Variants in CLK3 observed in about 807,000 individuals in gnomAD.
CLK3 encodes the protein dual specificity protein kinase CLK3.
A neutral mutation model predicts 65.2 loss-of-function variants in CLK3; 24 were observed. That is an observed-to-expected ratio of 0.37 (90% CI 0.27 to 0.52). The LOEUF (loss-of-function observed/expected upper bound fraction) is 0.52. Among genes scored for constraint, CLK3 ranks in the 20% least tolerant of loss-of-function variants. The pLI, the probability that CLK3 is intolerant of heterozygous loss-of-function variation, is 0.92. For missense variants in CLK3, 506 were observed against 660.0 expected, an observed-to-expected ratio of 0.77 and a Z score of 2.56; for synonymous variants, 252 against 240.8, an observed-to-expected ratio of 1.05 and a Z score of -0.43.
In CLK3 at chr15:74,625,784, C is replaced by T. The variant is rs770565548; in HGVS notation, c.651-18C>T. 6.2e-7 allele frequency: 1 copy of T among 1,613,210 alleles called. No homozygotes were observed. Among genetic ancestry groups the T allele is most frequent in the South Asian group, 1.1e-5 (1 of 91,058 alleles). The stretch of plus-strand genomic sequence containing the variant: ...CCCCCAGCACACAGCCTGAGCCCTG[C>T]CCATCCTCCTCCTCCAGCCTGTGTG... On this transcript the variant is annotated intron_variant, in intron 6 of 12. Transcript: ENST00000395066.
Position 74,628,899 on chromosome 15 carries a change from C to T in CLK3, c.1206-43C>T, listed in dbSNP as rs759430378. On this transcript the variant is annotated intron_variant, in intron 11 of 12. Transcript: ENST00000395066. ...CCCCACCTCCCACCAGAGGCTTGTC[C>T]CCTTACTACTCCCACACTTGACTCC... 5.0e-6 allele frequency: 7 copies of T among 1,410,216 alleles called. 1 individual carries two copies. Among genetic ancestry groups the T allele is most frequent in the Middle Eastern group, 3.5e-4 (2 of 5,676 alleles). 87.4% of individuals were successfully genotyped at this position (1,410,216 alleles called of 1,614,324 possible).
chr15:74,614,820 G>A (rs1238133086), upstream of CLK3: 1 of 152,142 alleles, frequency 6.6e-6, no homozygotes, highest in East Asian at 1.9e-4. Context: ...AGGGGGCGGT[G>A]CCTGGAGGGA....
chr15:74,615,640 G>GGGCCA, upstream of CLK3: 5 of 1,249,950 alleles, frequency 4.0e-6, no homozygotes, highest in Non-Finnish European at 5.0e-6. Flanking sequence ...GAGGCGGGCC[G>GGGCCA]GGCCAGGCTC....
upstream of CLK3, among the ~76,000 whole-genome samples, chr15:74,611,889 C>A (rs756808503): frequency 6.6e-6 from 1 of 152,230 alleles, no homozygotes; most frequent in Non-Finnish European, 1.5e-5. Context: ...AATTGAGGCC[C>A]TTTGGCTGAG....
rs777780033 is a variant in CLK3 at position 74,630,172 on chromosome 15, C to T, written c.*289C>T. 6 of 358,670 alleles carry T rather than the reference C, an allele frequency of 1.7e-5. No homozygotes were observed. The highest frequency in any genetic ancestry group is 4.1e-5 in the African/African-American group (2 of 49,104). 22.2% of individuals were successfully genotyped at this position (358,670 alleles called of 1,614,324 possible). The stretch of plus-strand genomic sequence containing the variant: ...GCTCCTTGCCTTCCCCTTACCTGAC[C>T]TTATTAATAAAGTCTTTCTTAGCAG... On this transcript the variant is annotated 3_prime_UTR_variant, in exon 13 of 13. Coordinates refer to ENST00000395066, the MANE Select transcript of CLK3 (RefSeq NM_001130028.2).
intron 6 of CLK3, 83 bp downstream of exon 6, chr15:74,625,101 C>T: frequency 4.2e-6 from 4 of 948,946 alleles, no homozygotes; most frequent in Non-Finnish European, 6.8e-6. Context: ...CTTCACCCAT[C>T]CGCACTGTGC....
intron 10 of CLK3, 30 bp downstream of exon 10, chr15:74,628,082 C>G (rs1375531472): frequency 2.1e-6 from 3 of 1,445,984 alleles, no homozygotes; most frequent in Non-Finnish European, 1.9e-6. Context: ...GTCCCCTACC[C>G]TGAGTACTGC....
Position 74,629,830 on chromosome 15 carries a change from G to A in CLK3, c.1420G>A (p.Gly474Ser). 2 of 1,612,200 alleles carry A rather than the reference G, an allele frequency of 1.2e-6. No individual in the cohort carries two copies. Among genetic ancestry groups the A allele is most frequent in the South Asian group, 2.2e-5 (2 of 90,782 alleles). ...AEALLHPFFA[G>S]LTPEERSFHT... ...GGCCCTGCTGCACCCCTTCTTTGCT[G>A]GCCTGACCCCTGAGGAGCGGTCCTT... The change falls in exon 13 of 13, where the codon GGC becomes AGC. Residue 474 changes from glycine to serine, a missense_variant. This residue lies in a region of CLK3 where 325 missense variants were observed against 500.5 expected (regional missense o/e 0.65). Transcript: ENST00000395066.
upstream of CLK3, chr15:74,615,806 G>A (rs999486855): frequency 8.0e-7 from 1 of 1,245,456 alleles, no homozygotes. Context: ...ACGCGAGGGG[G>A]CGGGGCTGCC....
chr15:74,622,214 G>T lies in CLK3; in HGVS notation c.464G>T (p.Arg155Leu). Residue 155 changes from arginine (R) to leucine (L), a missense_variant and splice_region_variant, in exon 4 of 13, where the codon CGA becomes CTA. Physicochemically the swap from Arg to Leu is moderately radical, Grantham distance 102. Coordinates refer to ENST00000395066, the MANE Select transcript of CLK3 (RefSeq NM_001130028.2). The surrounding 1 kb of genome is among the most constrained non-coding windows in gnomAD (Gnocchi z 4.6). ...CGGATCGGCGATTGGCTCCAAGAGC[G>T]ATGTACAGCCACCTTTCGTAAAACT... ...VCRIGDWLQERYEIVGNLGEG... is the reference protein window; with the variant it reads ...VCRIGDWLQELYEIVGNLGEG... 1.9e-6 allele frequency: 3 copies of T among 1,612,040 alleles called. No homozygotes were observed. The highest frequency in any genetic ancestry group is 2.5e-6 in the Non-Finnish European group (3 of 1,178,198).
At chr15:74,612,602 C>G (rs1294512697), upstream of CLK3, among the ~76,000 whole-genome samples, 1 of 152,184 alleles carries the variant, frequency 6.6e-6, no homozygotes, top group Non-Finnish European at 1.5e-5. Flanking sequence ...GACCTCCCCA[C>G]TCCTCACATT....
upstream of CLK3, among the ~76,000 whole-genome samples, chr15:74,614,642 T>A (rs1378288251): frequency 6.6e-6 from 1 of 152,228 alleles, no homozygotes; most frequent in African/African-American, 2.4e-5. Flanking sequence ...GGCGAAGGAC[T>A]TGATGCGCAG....
rs147812882 is a variant in CLK3, at chr15:74,622,511, C to G, written c.484C>G (p.Leu162Val). 6.2e-7 allele frequency: 1 copy of G among 1,613,242 alleles called. No homozygotes were observed. The highest frequency in any genetic ancestry group is 1.3e-5 in the African/African-American group (1 of 74,940). The change falls in exon 5 of 13, where the codon CTG becomes GTG. Residue 162 changes from leucine (L) to valine (V), a missense_variant. Transcript: ENST00000395066. The surrounding 1 kb of genome is among the most constrained non-coding windows in gnomAD (Gnocchi z 4.6). Reference protein sequence around the residue: ...LQERYEIVGNLGEGTFGKVVE... With the variant: ...LQERYEIVGNVGEGTFGKVVE... The stretch of plus-strand genomic sequence containing the variant: ...TCTCCTAGATGAGATTGTGGGGAAC[C>G]TGGGTGAAGGCACCTTTGGCAAGGT...
intron 12 of CLK3, chr15:74,629,359 G>A (rs1198631616): frequency 1.9e-6 from 1 of 530,246 alleles, no homozygotes; most frequent in African/African-American, 1.9e-5. Flanking sequence ...GAGGTGAGGG[G>A]GAGGGAAGAC....
chr15:74,624,530 A>T lies in CLK3; in HGVS notation c.534-372A>T. ...GCGCCGCAGGAGGGTTCTCGGTGGG[A>T]CAGCCTGGCCAGGGTTGGGGCTGCC... On this transcript the variant is annotated intron_variant, in intron 5 of 12. Coordinates refer to ENST00000395066, the MANE Select transcript of CLK3 (RefSeq NM_001130028.2). This position sits in a 1 kb window ranked among gnomAD's most constrained non-coding sequence, Gnocchi z 4.2. The T allele has an allele frequency of 2.7e-5, 5 of 186,080 alleles. No individual in the cohort carries two copies. Among genetic ancestry groups the T allele is most frequent in the South Asian group, 1.7e-4 (1 of 5,942 alleles). The allele number at this position is 186,080 out of a possible 1,614,324, so 11.5% of individuals were successfully genotyped here. A position where few individuals can be genotyped will look rare whatever the true frequency, so the allele number is the denominator to read the frequency against.
At chr15:74,614,860 C>G (rs2062037119), upstream of CLK3, 2 of 152,240 alleles carry the variant, frequency 1.3e-5, no homozygotes, top group South Asian at 4.1e-4. Flanking sequence ...GTTTCTAGCC[C>G]TCGCGTGGCG....
intron 1 of CLK3, among the ~76,000 whole-genome samples, chr15:74,609,119 C>T (rs752677927): frequency 2.0e-5 from 3 of 152,196 alleles, no homozygotes; most frequent in Non-Finnish European, 4.4e-5. Context: ...TCTTCTGAGT[C>T]TCTTGTTCAC....
chr15:74,610,623 T>C (rs1306961407), intron 1 of CLK3, among the ~76,000 whole-genome samples: 1 of 152,224 alleles, frequency 6.6e-6, no homozygotes, highest in Admixed American at 6.5e-5. Flanking sequence ...TGCTTTTGGC[T>C]GTTATCTATC....
intron 12 of CLK3, chr15:74,629,303 C>T: frequency 3.5e-6 from 2 of 568,978 alleles, no homozygotes; most frequent in Non-Finnish European, 6.3e-6. Context: ...CTGCTGCTTC[C>T]TGTCCCTCTC....
Sources: allele counts gnomAD v4.1 joint callset (sites outside exome capture counted in the v4.1 genomes callset), GRCh38; gene constraint gnomAD v4.1.1; regional missense constraint gnomAD v4.1.1; non-coding constraint Gnocchi (gnomAD v3.1); transcripts MANE v1.5; gene names NCBI Gene and HGNC (gene_info 2026-07-23, HGNC 2026-07-21).